Variants in WDFY4 observed in about 807,000 individuals in gnomAD.
WDFY4 encodes the protein WDFY family member 4, also known as WD repeat- and FYVE domain-containing protein 4.
WDFY4 carries 169 observed loss-of-function variants against 351.9 expected under a neutral mutation model. That is an observed-to-expected ratio of 0.48 (90% CI 0.42 to 0.55). The LOEUF is 0.55. WDFY4 is among the 20% of genes least tolerant of loss of function. WDFY4 has a pLI of 0.00. For synonymous variants in WDFY4, 1,622 were observed against 1,574.6 expected, an observed-to-expected ratio of 1.03 and a Z score of -0.71; for missense variants, 3,803 against 3,935.6, an observed-to-expected ratio of 0.97 and a Z score of 0.90.
chr10:48,959,901 C>A lies in WDFY4; in HGVS notation c.8223+88C>A, dbSNP rs896698095. ...GAGGCTTTCTGTCCAAGTGGAGGGC[C>A]AGTGACCAGCACTGTGAGGCTCATG... On this transcript the variant is annotated intron_variant, in intron 53 of 61. Coordinates refer to ENST00000325239, the MANE Select transcript of WDFY4 (RefSeq NM_001394531.1). 6.6e-6 allele frequency: 8 copies of A among 1,210,666 alleles called. No individual in the cohort carries two copies. The African/African-American group carries it at 1.1e-4, about 16-fold the overall frequency. 75.0% of individuals were successfully genotyped at this position (1,210,666 alleles called of 1,614,324 possible). A position where few individuals can be genotyped will look rare whatever the true frequency, so the allele number is the denominator to read the frequency against.
intron 25 of WDFY4, among the ~76,000 whole-genome samples, chr10:48,804,067 C>T (rs905694042): frequency 1.3e-5 from 2 of 152,194 alleles, no homozygotes; most frequent in African/African-American, 4.8e-5. Flanking sequence ...CCAACTGTGT[C>T]CCATGACTGG....
chr10:48,917,447 G>C (rs1253884267), intron 47 of WDFY4, among the ~76,000 whole-genome samples: 1 of 152,122 alleles, frequency 6.6e-6, no homozygotes, highest in Non-Finnish European at 1.5e-5. Flanking sequence ...TTCACACTCA[G>C]ACACATAATC....
chr10:48,970,800 T>A (rs1842305866), intron 57 of WDFY4, among the ~76,000 whole-genome samples: 1 of 152,206 alleles, frequency 6.6e-6, no homozygotes, highest in Non-Finnish European at 1.5e-5. Context: ...GTTTAAGTGG[T>A]ACATCCAAGG....
chr10:48,886,457 A>G (rs1051868653), intron 43 of WDFY4, among the ~76,000 whole-genome samples: 2 of 152,204 alleles, frequency 1.3e-5, no homozygotes, highest in Non-Finnish European at 2.9e-5. Context: ...CATGACCCTC[A>G]TGAATAGATT....
chr10:48,754,775 T>C (rs1448839079), intron 12 of WDFY4, among the ~76,000 whole-genome samples: 1 of 152,134 alleles, frequency 6.6e-6, no homozygotes, highest in Non-Finnish European at 1.5e-5. Context: ...GCTCAGTTGA[T>C]TTGAATAAAT....
Position 48,796,393 on chromosome 10 carries a change from C to G in WDFY4, c.4353C>G (p.Phe1451Leu), listed in dbSNP as rs1279207046. 15 of 1,552,084 alleles carry G rather than the reference C, an allele frequency of 9.7e-6. No homozygotes were observed. The highest frequency in any genetic ancestry group is 1.2e-5 in the Non-Finnish European group (14 of 1,147,128). ...LSVAGTVELG[F>L]RSSAITNTGV... ...TGGCTGGCACTGTGGAGCTGGGCTT[C>G]AGGTCATCTGCTATCACCAACACTG... is the stretch of plus-strand genomic sequence containing the variant. The change falls in exon 24 of 62, where the codon TTC (phenylalanine) becomes TTG (leucine). Residue 1451 changes from phenylalanine to leucine, a missense_variant. Transcript: ENST00000325239.
intron 43 of WDFY4, among the ~76,000 whole-genome samples, chr10:48,886,001 A>G (rs1369747468): frequency 6.6e-6 from 1 of 152,214 alleles, no homozygotes; most frequent in East Asian, 1.9e-4. Flanking sequence ...TGTATTCAGA[A>G]CAAGGTTGAG....
intron 43 of WDFY4, among the ~76,000 whole-genome samples, chr10:48,889,578 C>T (rs950402684): frequency 6.6e-6 from 1 of 152,120 alleles, no homozygotes; most frequent in Admixed American, 6.5e-5. Context: ...AAATGCTGGC[C>T]TCGGCCTTAT....
At chr10:48,936,878 C>CATAATTTT (rs1840405939) in intron 47 of WDFY4, among the ~76,000 whole-genome samples, 1 of 149,580 alleles carries the variant, frequency 6.7e-6, no homozygotes. Context: ...TAAAAGTGCT[C>CATAATTTT]ATAATTTTGG....
intron 53 of WDFY4, among the ~76,000 whole-genome samples, chr10:48,963,603 T>C (rs1841955288): frequency 6.6e-6 from 1 of 152,192 alleles, no homozygotes. Flanking sequence ...ATGACATGGT[T>C]GAGCTGGGGT....
intron 23 of WDFY4, among the ~76,000 whole-genome samples, chr10:48,794,578 A>C (rs1028429538): frequency 1.3e-5 from 2 of 152,174 alleles, no homozygotes; most frequent in African/African-American, 4.8e-5. Context: ...AGAGAGAAGA[A>C]GGTTGAGGGG....
At chr10:48,904,310 C>T (rs1268796945) in intron 47 of WDFY4, among the ~76,000 whole-genome samples, 1 of 152,178 alleles carries the variant, frequency 6.6e-6, no homozygotes, top group Non-Finnish European at 1.5e-5. Flanking sequence ...ACAGGATAGT[C>T]CTAATTGTGC....
chr10:48,823,257 TG>T, intron 35 of WDFY4: 1 of 1,300,152 alleles, frequency 7.7e-7, no homozygotes, highest in Non-Finnish European at 1.0e-6. Flanking sequence ...CTCCCTGTGA[TG>T]GGGAACCCCC....
chr10:48,789,980 A>C lies in WDFY4; in HGVS notation c.4061A>C (p.Gln1354Pro). Reference sequence around the variant, plus strand: ...ACCATTGGAGCTGTTGCTGTGGGTCAATTAGGTATGTTCAACTGGGAAGCT... The same window carrying C: ...ACCATTGGAGCTGTTGCTGTGGGTCCATTAGGTATGTTCAACTGGGAAGCT... Reference protein sequence around the residue: ...LRTIGAVAVGQLGVRVFHSSP... With the variant: ...LRTIGAVAVGPLGVRVFHSSP... The change falls in exon 22 of 62, where the codon CAA (glutamine) becomes CCA (proline). Residue 1354 changes from glutamine to proline, a missense_variant. Coordinates refer to ENST00000325239, the MANE Select transcript of WDFY4 (RefSeq NM_001394531.1). 1 of 1,552,282 alleles carries C rather than the reference A, an allele frequency of 6.4e-7. No individual in the cohort carries two copies. The highest frequency in any genetic ancestry group is 1.2e-5 in the South Asian group (1 of 84,058).
chr10:48,735,224 C>G (rs555080883), intron 10 of WDFY4, among the ~76,000 whole-genome samples: 16 of 152,292 alleles, frequency 1.1e-4, no homozygotes, highest in African/African-American at 3.8e-4. Context: ...AGTTTTTATT[C>G]CACATGGATT....
At chr10:48,840,243 G>T (rs2068549830) in intron 39 of WDFY4, among the ~76,000 whole-genome samples, 1 of 152,098 alleles carries the variant, frequency 6.6e-6, no homozygotes, top group Non-Finnish European at 1.5e-5. Flanking sequence ...CACCCAGAAT[G>T]ACCTTCCCCA....
rs147968462 is a variant in WDFY4 at position 48,889,777 on chromosome 10, A to T, written c.7168-802A>T. ...GGAATGAGGATTGCAGGGCTGGGCC[A>T]GCGGAGAAGTGCAACCACAATGTAG... On this transcript the variant is annotated intron_variant, in intron 43 of 61. Coordinates refer to ENST00000325239, the MANE Select transcript of WDFY4 (RefSeq NM_001394531.1). Among the ~76,000 whole-genome samples the T allele has an allele frequency of 8.5e-5, 13 of 152,370 alleles. No individual in the cohort carries two copies. The East Asian group carries it at 2.3e-3, about 27-fold the overall frequency.
At chr10:48,688,562 T>C (rs769281746) in intron 1 of WDFY4, among the ~76,000 whole-genome samples, 1 of 152,224 alleles carries the variant, frequency 6.6e-6, no homozygotes, top group Non-Finnish European at 1.5e-5. Flanking sequence ...ATTGTGTCAA[T>C]TGTCATTAAA....
At chr10:48,953,588 G>A (rs547445948) in intron 51 of WDFY4, among the ~76,000 whole-genome samples, 1 of 152,338 alleles carries the variant, frequency 6.6e-6, no homozygotes, top group South Asian at 2.1e-4. Flanking sequence ...ACAGGGTCCT[G>A]TAAGTGAGTT....
Sources: allele counts gnomAD v4.1 joint callset (sites outside exome capture counted in the v4.1 genomes callset), GRCh38; gene constraint gnomAD v4.1.1; transcripts MANE v1.5; gene names NCBI Gene and HGNC (gene_info 2026-07-23, HGNC 2026-07-21).